KIAA1217: variants seen among roughly 807,000 people sequenced by gnomAD.
KIAA1217 encodes KIAA1217.
In KIAA1217, 88 loss-of-function variants were observed where a neutral mutation model predicts 163.9. That is an observed-to-expected ratio of 0.54 (90% CI 0.45 to 0.64). KIAA1217 has a LOEUF of 0.64. KIAA1217 is among the 30% of genes least tolerant of loss of function. The pLI is 0.00. For synonymous variants in KIAA1217, 903 were observed against 923.1 expected (o/e 0.98, Z 0.39); for missense variants, 2,372 against 2,475.0 (o/e 0.96, Z 0.88).
At chr10:24,388,375 G>T (rs1564592900) in intron 3 of KIAA1217, among the ~76,000 whole-genome samples, 1 of 152,116 alleles carries the variant, frequency 6.6e-6, no homozygotes, top group African/African-American at 2.4e-5. Flanking sequence ...GCTGAAACTG[G>T]ATCCCTTCCT....
intron 1 of KIAA1217, among the ~76,000 whole-genome samples, chr10:23,833,498 T>C (rs1310933301): frequency 6.7e-6 from 1 of 149,912 alleles, no homozygotes; most frequent in African/African-American, 2.5e-5. Context: ...AAAAAAAAAC[T>C]AAGTAAACCA....
At chr10:24,041,311 G>T (rs972040235) in intron 2 of KIAA1217, among the ~76,000 whole-genome samples, 1 of 152,176 alleles carries the variant, frequency 6.6e-6, no homozygotes, top group Non-Finnish European at 1.5e-5. Flanking sequence ...GAGGTTGTAT[G>T]CTTCTGGTAT....
At chr10:24,016,681 G>T (rs955192094) in intron 2 of KIAA1217, among the ~76,000 whole-genome samples, 1 of 152,000 alleles carries the variant, frequency 6.6e-6, no homozygotes, top group Non-Finnish European at 1.5e-5. Flanking sequence ...CAAGGGTTTG[G>T]ATCTTGTGTT....
At chr10:24,200,036 T>TC (rs914151631) in intron 2 of KIAA1217, among the ~76,000 whole-genome samples, 1 of 151,902 alleles carries the variant, frequency 6.6e-6, no homozygotes, top group East Asian at 1.9e-4. Flanking sequence ...CAGTACACTG[T>TC]CCTTCCCCCC....
chr10:23,832,376 G>T (rs568071842), intron 1 of KIAA1217, among the ~76,000 whole-genome samples: 1 of 152,230 alleles, frequency 6.6e-6, no homozygotes, highest in Admixed American at 6.5e-5. Context: ...CCGCACTCCC[G>T]GAACTTCCAT....
intron 1 of KIAA1217, among the ~76,000 whole-genome samples, chr10:23,963,428 C>G (rs1396879580): frequency 1.3e-5 from 2 of 152,136 alleles, no homozygotes; most frequent in African/African-American, 2.4e-5. Flanking sequence ...ATCCATGTCC[C>G]TACAAAAGAC....
At chr10:23,726,960 A>T (rs1838181270) in intron 1 of KIAA1217, among the ~76,000 whole-genome samples, 1 of 145,338 alleles carries the variant, frequency 6.9e-6, no homozygotes, top group African/African-American at 2.6e-5. Context: ...TGCCATTTCC[A>T]TGCCATTTGT....
chr10:24,409,965 A>ATTTCT (rs71397946), intron 3 of KIAA1217, among the ~76,000 whole-genome samples: 9,646 of 146,174 alleles, frequency 0.066, 405 homozygotes, highest in East Asian at 0.11. Context: ...ATATATCACA[A>ATTTCT]TTTCTTTTCT....
intron 1 of KIAA1217, among the ~76,000 whole-genome samples, chr10:23,978,656 T>TAA (rs1845639951): frequency 6.6e-6 from 1 of 152,114 alleles, no homozygotes; most frequent in Non-Finnish European, 1.5e-5. Flanking sequence ...TATATATATA[T>TAA]AATACCCTAT....
At chr10:23,852,946 A>C (rs1179553654) in intron 1 of KIAA1217, among the ~76,000 whole-genome samples, 2 of 152,224 alleles carry the variant, frequency 1.3e-5, no homozygotes, top group Non-Finnish European at 2.9e-5. Flanking sequence ...ATATACAAGC[A>C]TGTCACCTGC....
At chr10:24,092,261 C>T (rs1020852368) in intron 2 of KIAA1217, among the ~76,000 whole-genome samples, 2 of 151,670 alleles carry the variant, frequency 1.3e-5, no homozygotes, top group Non-Finnish European at 2.9e-5. Flanking sequence ...TGCTTTCACT[C>T]ACTATATCCA....
At chr10:24,356,512 C>T (rs1461160749) in intron 2 of KIAA1217, among the ~76,000 whole-genome samples, 2 of 152,118 alleles carry the variant, frequency 1.3e-5, no homozygotes, top group East Asian at 1.9e-4. Context: ...AGGAGGTTGC[C>T]GTGGTTTCAG....
intron 2 of KIAA1217, among the ~76,000 whole-genome samples, chr10:24,261,499 C>CAA (rs574514121): frequency 0.016 from 2,170 of 131,864 alleles, 36 homozygotes; most frequent in East Asian, 0.1. Flanking sequence ...CTGTCTCAGA[C>CAA]AAAAAAAAAA....
At chr10:24,480,302 G>A (rs1459225751) in intron 6 of KIAA1217, among the ~76,000 whole-genome samples, 3 of 152,202 alleles carry the variant, frequency 2.0e-5, no homozygotes, top group Non-Finnish European at 4.4e-5. Flanking sequence ...GTAAGGCAAG[G>A]ACCAGGACAG....
At chr10:24,151,074 G>T (rs766306546) in intron 2 of KIAA1217, among the ~76,000 whole-genome samples, 66 of 152,132 alleles carry the variant, frequency 4.3e-4, no homozygotes, top group Non-Finnish European at 7.5e-4. Flanking sequence ...CAGAGGCCAG[G>T]TGTGCTAGGA....
chr10:23,695,591 G>A lies in KIAA1217; in HGVS notation c.-321+357G>A, dbSNP rs954150801. Among the ~76,000 whole-genome samples, 1 of 152,140 alleles carries A rather than the reference G, an allele frequency of 6.6e-6. No individual in the cohort carries two copies. Among genetic ancestry groups the A allele is most frequent in the Admixed American group, 6.5e-5 (1 of 15,280 alleles). ...TGCCCCCCTGGAGTGGCGAGCCAGGGGCTTATATAGGTGCGACTAGGATGT... is the reference window on the plus strand; with the variant it reads ...TGCCCCCCTGGAGTGGCGAGCCAGGAGCTTATATAGGTGCGACTAGGATGT... On this transcript the variant is annotated intron_variant, in intron 1 of 18. Coordinates refer to the KIAA1217 transcript ENST00000376462. This position sits in a 1 kb window ranked among gnomAD's most constrained non-coding sequence, Gnocchi z 4.9.
In KIAA1217 at chr10:23,866,145, C is replaced by CA. The variant is rs1840172543; in HGVS notation, c.-320-141075dup. On this transcript the variant is annotated intron_variant, in intron 1 of 18. Coordinates refer to the KIAA1217 transcript ENST00000376462. ...TAAAGTAACCTCTGCTGTAGCAAAG[C>CA]AAAAACACAACCCTATAGGATTCTG... Among the ~76,000 whole-genome samples the CA allele has an allele frequency of 4.6e-5, 7 of 152,196 alleles. No homozygotes were observed. The South Asian group carries it at 1.5e-3, about 32-fold the overall frequency.
intron 2 of KIAA1217, among the ~76,000 whole-genome samples, chr10:24,377,230 T>C (rs539917356): frequency 6.6e-6 from 1 of 151,992 alleles, no homozygotes; most frequent in African/African-American, 2.4e-5. Flanking sequence ...GGGTTTGGGG[T>C]TGCCTAATGA....
intron 1 of KIAA1217, among the ~76,000 whole-genome samples, chr10:23,925,775 T>C (rs1187640552): frequency 1.3e-5 from 2 of 152,160 alleles, no homozygotes; most frequent in East Asian, 3.9e-4. Context: ...TCCAGCTCTG[T>C]GGCCTTAAGC....
Sources: allele counts gnomAD v4.1 joint callset (sites outside exome capture counted in the v4.1 genomes callset), GRCh38; gene constraint gnomAD v4.1.1; non-coding constraint Gnocchi (gnomAD v3.1); transcripts MANE v1.5; gene names NCBI Gene and HGNC (gene_info 2026-07-23, HGNC 2026-07-21).